Variants in REV3L observed in about 807,000 individuals in gnomAD.
REV3L encodes the protein REV3 like, DNA directed polymerase zeta catalytic subunit.
In REV3L, 69 loss-of-function variants were observed where a neutral mutation model predicts 299.4. The ratio of observed to expected loss-of-function variants is 0.23; its 90% CI spans 0.19 to 0.28. The LOEUF (loss-of-function observed/expected upper bound fraction) is 0.28, where lower values mean the gene tolerates loss of function less well. Ranked by LOEUF, REV3L falls within the 10% of genes least tolerant of loss-of-function variation. The probability of loss-of-function intolerance (pLI) is 1.00; values close to 1 mark genes in which losing one functional copy is unlikely to be tolerated. For missense variants in REV3L, 3,128 were observed against 3,693.8 expected, an observed-to-expected ratio of 0.85 and a Z score of 3.97; for synonymous variants, 1,238 against 1,271.4, an observed-to-expected ratio of 0.97 and a Z score of 0.56.
At chr6:111,468,871 G>A (rs1791837865) in intron 1 of REV3L, among the ~76,000 whole-genome samples, 1 of 152,080 alleles carries the variant, frequency 6.6e-6, no homozygotes, top group Non-Finnish European at 1.5e-5. Context: ...TAAAAACTTG[G>A]ATGACTGGTC....
intron 1 of REV3L, among the ~76,000 whole-genome samples, chr6:111,477,455 G>T (rs1047312112): frequency 1.3e-5 from 2 of 152,200 alleles, no homozygotes; most frequent in South Asian, 2.1e-4. Flanking sequence ...TGATAGGGAA[G>T]CCTTCCCTGA....
rs370244337 is a variant in REV3L at position 111,363,842 on chromosome 6, T to C, written c.6879+11A>G. The C allele has an allele frequency of 1.9e-5, 30 of 1,611,988 alleles. No individual in the cohort carries two copies. The highest frequency in any genetic ancestry group is 5.0e-5 in the Admixed American group (3 of 59,818). ...AACACAATGTATGTGTCCTTACTGT[T>C]GCAGTTTTACCTCATGTAAAGCTTT... On this transcript the variant is annotated intron_variant, in intron 16 of 31. Transcript: ENST00000368802.
rs1007947508 is a variant in REV3L at position 111,375,968 on chromosome 6, T to A, written c.2387A>T (p.Tyr796Phe). 6.2e-7 allele frequency: 1 copy of A among 1,613,850 alleles called. No individual in the cohort carries two copies. Among genetic ancestry groups the A allele is most frequent in the Admixed American group, 1.7e-5 (1 of 59,980 alleles). The part of the protein sequence containing the change: ...KPSLSQQAAH[Y>F]MFFPSVVLSN... ...AAGAACAACACTGGGAAAAAACATA[T>A]AGTGTGCTGCTTGCTGGCTGAGGCT... is the stretch of plus-strand genomic sequence containing the variant. Residue 796 changes from tyrosine (Y) to phenylalanine (F), a missense_variant, in exon 13 of 32, where the codon TAT becomes TTT. Physicochemically the swap from Tyr to Phe is conservative, Grantham distance 22. Around this residue, in one of 9 missense-constraint regions of REV3L, gnomAD observed 2,409 missense variants for 2,611.8 expected, o/e 0.92. Transcript: ENST00000368802.
At position 111,411,555 on chromosome 6, in the gene REV3L, C is replaced by T; in HGVS notation, c.330-1G>A. 6.5e-7 allele frequency: 1 copy of T among 1,538,992 alleles called. No homozygotes were observed. Among genetic ancestry groups the T allele is most frequent in the Admixed American group, 1.8e-5 (1 of 55,172 alleles). ...CTTCTCATGATAACCATAAAAAGGCCTGAAATATAAGAAAAAAAATTTCAA... is the reference window on the plus strand; with the variant it reads ...CTTCTCATGATAACCATAAAAAGGCTTGAAATATAAGAAAAAAAATTTCAA... On this transcript the variant is annotated splice_acceptor_variant, in intron 2 of 31. Coordinates refer to ENST00000368802, the MANE Select transcript of REV3L (RefSeq NM_001372078.1). LOFTEE classifies it high-confidence loss of function.
At chr6:111,332,848 A>G (rs1485572013) in intron 23 of REV3L, among the ~76,000 whole-genome samples, 1 of 152,226 alleles carries the variant, frequency 6.6e-6, no homozygotes, top group Non-Finnish European at 1.5e-5. Flanking sequence ...CTTTCATTTT[A>G]AAAGAGACTA....
rs550569443 is a variant in REV3L at position 111,341,805 on chromosome 6, G to A, written c.7538+2120C>T. On this transcript the variant is annotated intron_variant, in intron 21 of 31. Coordinates refer to ENST00000368802, the MANE Select transcript of REV3L (RefSeq NM_001372078.1). Reference sequence around the variant, plus strand: ...GATTCCTTATGAGTGATAGCTCAAGGCTGTCCCGAAAACGAACAGGATGAA... The same window carrying A: ...GATTCCTTATGAGTGATAGCTCAAGACTGTCCCGAAAACGAACAGGATGAA... Among the ~76,000 whole-genome samples the A allele has an allele frequency of 5.0e-4, 76 of 152,268 alleles. No individual in the cohort carries two copies. The South Asian group carries it at 8.7e-3, about 18-fold the overall frequency.
At chr6:111,464,847 A>G (rs1791233804) in intron 1 of REV3L, among the ~76,000 whole-genome samples, 1 of 151,894 alleles carries the variant, frequency 6.6e-6, no homozygotes, top group Non-Finnish European at 1.5e-5. Flanking sequence ...ACTAAAATAC[A>G]AAAAACTAGC....
intron 1 of REV3L, among the ~76,000 whole-genome samples, chr6:111,466,453 T>C (rs948309928): frequency 1.3e-5 from 2 of 152,224 alleles, no homozygotes; most frequent in Non-Finnish European, 2.9e-5. Context: ...TCACTGATTA[T>C]AAATGTCCTA....
chr6:111,363,593 T>C (rs1255167845), intron 16 of REV3L, among the ~76,000 whole-genome samples: 8 of 152,152 alleles, frequency 5.3e-5, no homozygotes, highest in Admixed American at 5.2e-4. Flanking sequence ...TATTTTAATG[T>C]CCATAAGCTG....
At chr6:111,443,950 T>C (rs976337849) in intron 1 of REV3L, among the ~76,000 whole-genome samples, 4 of 152,240 alleles carry the variant, frequency 2.6e-5, no homozygotes, top group Non-Finnish European at 5.9e-5. Context: ...CCCAAAGCTC[T>C]GAGGTCAAAG....
chr6:111,350,650 C>T (rs1435922523), intron 19 of REV3L, among the ~76,000 whole-genome samples: 2 of 152,008 alleles, frequency 1.3e-5, no homozygotes, highest in East Asian at 3.9e-4. Context: ...GATCATAGCT[C>T]ACTGCAGCCT....
chr6:111,311,007 G>A, intron 29 of REV3L, 62 bp downstream of exon 29: 1 of 1,296,018 alleles, frequency 7.7e-7, no homozygotes, highest in Non-Finnish European at 1.0e-6. Flanking sequence ...TTTTCATTTG[G>A]GTCTTCTAGA....
chr6:111,365,975 G>A (rs1779146667), intron 14 of REV3L, among the ~76,000 whole-genome samples: 1 of 152,186 alleles, frequency 6.6e-6, no homozygotes, highest in Non-Finnish European at 1.5e-5. Context: ...GTACAATAAA[G>A]TAGATAGATC....
intron 25 of REV3L, among the ~76,000 whole-genome samples, chr6:111,326,712 T>C (rs1387801744): frequency 6.6e-6 from 1 of 151,808 alleles, no homozygotes; most frequent in Non-Finnish European, 1.5e-5. Flanking sequence ...ACAACCTAAG[T>C]GTCCATCAAC....
At chr6:111,310,939 G>A in intron 29 of REV3L, 130 bp downstream of exon 29, 1 of 580,840 alleles carries the variant, frequency 1.7e-6, no homozygotes, top group Non-Finnish European at 2.8e-6. Flanking sequence ...CTAACTTTCA[G>A]TGAGGCTTCA....
chr6:111,299,157 C>CAAAT lies in REV3L; in HGVS notation c.*855_*858dup, dbSNP rs1022356288. 6.6e-6 allele frequency: 1 copy of CAAAT among 152,232 alleles called. No homozygotes were observed. The highest frequency in any genetic ancestry group is 2.4e-5 in the African/African-American group (1 of 41,346). 9.4% of individuals were successfully genotyped at this position (152,232 alleles called of 1,614,324 possible). On this transcript the variant is annotated 3_prime_UTR_variant, in exon 32 of 32. Coordinates refer to ENST00000368802, the MANE Select transcript of REV3L (RefSeq NM_001372078.1). ...TCCTTTTTTATTTTACACAGTTATA[C>CAAAT]AAATATTCTAAATACACATTTTGTG...
In REV3L at chr6:111,387,733, T is replaced by C. The variant is rs374824681; in HGVS notation, c.1096+32A>G. ...TCTCAGTGCTAGATATCTGTTCTAGTAGTTTCTGTATACATGAAAAGAAAA... is the reference window on the plus strand; with the variant it reads ...TCTCAGTGCTAGATATCTGTTCTAGCAGTTTCTGTATACATGAAAAGAAAA... On this transcript the variant is annotated intron_variant, in intron 9 of 31. Transcript: ENST00000368802. 1.1e-4 allele frequency: 168 copies of C among 1,587,244 alleles called. 1 individual carries two copies. The African/African-American group carries it at 2.2e-3, about 21-fold the overall frequency.
intron 1 of REV3L, among the ~76,000 whole-genome samples, chr6:111,432,522 T>C (rs370292184): frequency 2.8e-4 from 42 of 152,340 alleles, no homozygotes; most frequent in East Asian, 1.2e-3. Context: ...TAAATATCTA[T>C]GCATGCAACA....
chr6:111,365,216 A>C, intron 15 of REV3L, 49 bp downstream of exon 15: 6 of 1,168,948 alleles, frequency 5.1e-6, no homozygotes, highest in Non-Finnish European at 7.2e-6. Flanking sequence ...GAAATCTAGG[A>C]AAAAGACTGG....
Sources: gnomAD v4.1 joint callset for allele counts (sites outside exome capture counted in the v4.1 genomes callset) on GRCh38, gnomAD v4.1.1 for gene constraint, gnomAD v4.1.1 regional missense constraint, MANE v1.5 for transcripts, NCBI Gene and HGNC (gene_info 2026-07-23, HGNC 2026-07-21) for gene names.